The following ANKRD52 variants were observed in gnomAD, a reference collection of about 807,000 sequenced individuals.
ANKRD52 encodes ankyrin repeat domain 52.
A neutral mutation model predicts 116.0 loss-of-function variants in ANKRD52; 7 were observed. That is an observed-to-expected ratio of 0.06 (90% confidence interval 0.03 to 0.11). The LOEUF is 0.11. Among genes scored for constraint, ANKRD52 ranks in the 10% least tolerant of loss-of-function variants. The probability of loss-of-function intolerance (pLI) is 1.00; values close to 1 mark genes in which losing one functional copy is unlikely to be tolerated. For missense variants in ANKRD52, 839 were observed against 1,408.6 expected (o/e 0.60, Z 6.47); for synonymous variants, 528 against 578.1 (o/e 0.91, Z 1.24).
At position 56,240,855 on chromosome 12, in the gene ANKRD52, G is replaced by C. The variant is rs35526714; in HGVS notation, c.*2287C>G. 6,704 of 152,262 alleles carry C rather than the reference G, an allele frequency of 0.044. 220 individuals are homozygous for C. The highest frequency in any genetic ancestry group is 0.067 in the Non-Finnish European group (4,589 of 68,038). The allele number at this position is 152,262 out of a possible 1,614,324, so 9.4% of individuals were successfully genotyped here. On this transcript the variant is annotated 3_prime_UTR_variant, in exon 28 of 28. Transcript: ENST00000267116. This position sits in a 1 kb window ranked among gnomAD's most constrained non-coding sequence, Gnocchi z 4.2. ...AGAAATCTCATCTAGCAAGACAACG[G>C]GGCTCTGACACTCAGACGCTTCCCG... is the stretch of plus-strand genomic sequence containing the variant.
Position 56,252,776 on chromosome 12 carries a change from T to G in ANKRD52, c.1301+4A>C. 5 of 1,612,942 alleles carry G rather than the reference T, an allele frequency of 3.1e-6. No individual in the cohort carries two copies. Among genetic ancestry groups the G allele is most frequent in the Non-Finnish European group, 4.2e-6 (5 of 1,179,546 alleles). ...AAAGCATGGGAGAGAGAAAGAGAAC[T>G]CACCCTCCGGAAGCAGCAGCATGAA... is the stretch of plus-strand genomic sequence containing the variant. On this transcript the variant is annotated splice_donor_region_variant and intron_variant, in intron 12 of 27. Transcript: ENST00000267116. This position sits in a 1 kb window ranked among gnomAD's most constrained non-coding sequence, Gnocchi z 4.7.
intron 20 of ANKRD52, among the ~76,000 whole-genome samples, chr12:56,246,312 G>A (rs990328612): frequency 1.3e-5 from 2 of 152,178 alleles, no homozygotes; most frequent in Admixed American, 6.5e-5. Context: ...TTACAGACGT[G>A]AGCCACCATG....
Position 56,252,115 on chromosome 12 carries a change from A to G in ANKRD52, c.1512-20T>C. 6.2e-7 allele frequency: 1 copy of G among 1,613,892 alleles called. No individual in the cohort carries two copies. Among genetic ancestry groups the G allele is most frequent in the Non-Finnish European group, 8.5e-7 (1 of 1,179,830 alleles). ...TCCGCTCTGGGGAAGAGAGAGAGAAAGTTAGGGCCAGGCTCAGGGAGGTGA... is the reference window on the plus strand; with the variant it reads ...TCCGCTCTGGGGAAGAGAGAGAGAAGGTTAGGGCCAGGCTCAGGGAGGTGA... On this transcript the variant is annotated intron_variant, in intron 14 of 27. Transcript: ENST00000267116. This position sits in a 1 kb window ranked among gnomAD's most constrained non-coding sequence, Gnocchi z 4.7.
In ANKRD52 at chr12:56,237,992, A is replaced by T; in HGVS notation, c.*5150T>A. The stretch of plus-strand genomic sequence containing the variant: ...ATCTGCGGGGAGAACATTGTGCTTT[A>T]GCCCAGGGAGGGGAGGGGTGGGGCA... On this transcript the variant is annotated 3_prime_UTR_variant, in exon 28 of 28. Coordinates refer to ENST00000267116, the MANE Select transcript of ANKRD52 (RefSeq NM_173595.4). The T allele has an allele frequency of 5.8e-5, 15 of 258,668 alleles. No homozygotes were observed. Among genetic ancestry groups the T allele is most frequent in the Non-Finnish European group, 7.2e-5 (10 of 137,952 alleles). 16.0% of individuals were successfully genotyped at this position (258,668 alleles called of 1,614,324 possible). A position where few individuals can be genotyped will look rare whatever the true frequency, so the allele number is the denominator to read the frequency against.
Position 56,242,997 on chromosome 12 carries a change from G to T in ANKRD52, c.*145C>A. ...GGCCAAGATGGTGTGGCAAAGGGGT[G>T]AGCAGCTGCTCCCCAGGGCTTCCTT... is the stretch of plus-strand genomic sequence containing the variant. On this transcript the variant is annotated 3_prime_UTR_variant, in exon 28 of 28. Coordinates refer to ENST00000267116, the MANE Select transcript of ANKRD52 (RefSeq NM_173595.4). This position sits in a 1 kb window ranked among gnomAD's most constrained non-coding sequence, Gnocchi z 4.3. 2 of 1,195,806 alleles carry T rather than the reference G, an allele frequency of 1.7e-6. No individual in the cohort carries two copies. The highest frequency in any genetic ancestry group is 2.3e-6 in the Non-Finnish European group (2 of 882,384). The allele number at this position is 1,195,806 out of a possible 1,614,324, so 74.1% of individuals were successfully genotyped here.
chr12:56,253,729 G>A lies in ANKRD52; in HGVS notation c.978C>T (p.Ile326=). 1.2e-6 allele frequency: 2 copies of A among 1,613,872 alleles called. No individual in the cohort carries two copies. Among genetic ancestry groups the A allele is most frequent in the Non-Finnish European group, 1.7e-6 (2 of 1,179,800 alleles). The change falls in exon 9 of 28, where the codon ATC becomes ATT. Residue 326 remains isoleucine (I), a synonymous_variant. Coordinates refer to ENST00000267116, the MANE Select transcript of ANKRD52 (RefSeq NM_173595.4). The surrounding 1 kb of genome is among the most constrained non-coding windows in gnomAD (Gnocchi z 5.5). ...HGRFTRSQIL[I]QNGSEIDCAD... ...AGTCTCCCAGGTCCATACCATTCTG[G>A]ATGAGGATCTGGGAGCGTGTGAAAC...
At chr12:56,251,878 G>A in intron 15 of ANKRD52, 137 bp downstream of exon 15, 1 of 908,364 alleles carries the variant, frequency 1.1e-6, no homozygotes, top group Non-Finnish European at 1.7e-6. Flanking sequence ...CACCCAGAGG[G>A]CTCAAGACAC....
chr12:56,243,171 T>C lies in ANKRD52; in HGVS notation c.3202A>G (p.Ile1068Val), dbSNP rs772443206. The C allele has an allele frequency of 6.2e-7, 1 of 1,607,060 alleles. No homozygotes were observed. The highest frequency in any genetic ancestry group is 1.7e-5 in the Admixed American group (1 of 58,848). ...CPYSQERPGA[I>V]GLDGCYSE The stretch of plus-strand genomic sequence containing the variant: ...TCAGAGTAGCAGCCATCTAACCCAA[T>C]GGCGCCGGGCCGCTCCTGGCTGTAG... Residue 1068 changes from isoleucine (I) to valine (V), a missense_variant, in exon 28 of 28, where the codon ATT (isoleucine) becomes GTT (valine). By Grantham distance (29) the Ile-to-Val change is conservative. This residue lies in a region of ANKRD52 where 552 missense variants were observed against 810.6 expected (regional missense o/e 0.68). Transcript: ENST00000267116. This position sits in a 1 kb window ranked among gnomAD's most constrained non-coding sequence, Gnocchi z 4.6.
Position 56,245,504 on chromosome 12 carries a change from G to C in ANKRD52, c.2277C>G (p.His759Gln). 6.2e-7 allele frequency: 1 copy of C among 1,611,810 alleles called. No individual in the cohort carries two copies. The highest frequency in any genetic ancestry group is 8.5e-7 in the Non-Finnish European group (1 of 1,179,050). ...CAGTGTGGCCACAGGCTGAGGCCAG[G>C]TGAATGGGCGTGCGGCCCTTAAAGT... ...CRDFKGRTPI[H>Q]LASACGHTAV... The change falls in exon 21 of 28, where the codon CAC becomes CAG. Residue 759 changes from histidine to glutamine, a missense_variant. By Grantham distance (24) the His-to-Gln change is conservative. Around this residue, in one of 2 missense-constraint regions of ANKRD52, gnomAD observed 552 missense variants for 810.6 expected, o/e 0.68. Coordinates refer to ENST00000267116, the MANE Select transcript of ANKRD52 (RefSeq NM_173595.4).
In ANKRD52 at chr12:56,252,723, G is replaced by T; in HGVS notation, c.1301+57C>A. 1 of 1,579,052 alleles carries T rather than the reference G, an allele frequency of 6.3e-7. No homozygotes were observed. Among genetic ancestry groups the T allele is most frequent in the Non-Finnish European group, 8.7e-7 (1 of 1,151,018 alleles). The stretch of plus-strand genomic sequence containing the variant: ...AGATCTGGGCAGGCAAGAATGAGGG[G>T]CCCAGACCTTTGCCCAGCTCCCTGC... On this transcript the variant is annotated intron_variant, in intron 12 of 27. Transcript: ENST00000267116. The surrounding 1 kb of genome is among the most constrained non-coding windows in gnomAD (Gnocchi z 4.7).
In ANKRD52 at chr12:56,243,025, C is replaced by T; in HGVS notation, c.*117G>A. 2 of 1,373,502 alleles carry T rather than the reference C, an allele frequency of 1.5e-6. No homozygotes were observed. Among genetic ancestry groups the T allele is most frequent in the South Asian group, 3.0e-5 (2 of 65,894 alleles). The allele number at this position is 1,373,502 out of a possible 1,614,324, so 85.1% of individuals were successfully genotyped here. A position where few individuals can be genotyped will look rare whatever the true frequency, so the allele number is the denominator to read the frequency against. ...CAGCTGCTCCCCAGGGCTTCCTTCC[C>T]CTCCGCCCCCTCCACCCAGTCGTGT... On this transcript the variant is annotated 3_prime_UTR_variant, in exon 28 of 28. Coordinates refer to ENST00000267116, the MANE Select transcript of ANKRD52 (RefSeq NM_173595.4). This position sits in a 1 kb window ranked among gnomAD's most constrained non-coding sequence, Gnocchi z 4.6.
Position 56,255,934 on chromosome 12 carries a change from G to A in ANKRD52, c.312C>T (p.Asp104=), listed in dbSNP as rs1405303170. ...CATGCAGTGGTGTCTGCCACAGCTT[G>A]TCCCGGGCATTCACATCTGCTGAAT... ...LAHSADVNAR[D]KLWQTPLHVA... The change falls in exon 5 of 28, where the codon GAC becomes GAT. Residue 104 remains aspartate (D), a synonymous_variant. Transcript: ENST00000267116. This position sits in a 1 kb window ranked among gnomAD's most constrained non-coding sequence, Gnocchi z 4.3. 2.5e-6 allele frequency: 4 copies of A among 1,575,612 alleles called. No homozygotes were observed. The highest frequency in any genetic ancestry group is 3.6e-5 in the Admixed American group (2 of 55,020).
chr12:56,256,379 C>T (rs1871954237), intron 4 of ANKRD52, among the ~76,000 whole-genome samples: 1 of 152,202 alleles, frequency 6.6e-6, no homozygotes, highest in Admixed American at 6.5e-5. Context: ...CCTCTTTAGC[C>T]TTCTCATAGG....
Position 56,242,880 on chromosome 12 carries a change from T to G in ANKRD52, c.*262A>C. 1 of 454,990 alleles carries G rather than the reference T, an allele frequency of 2.2e-6. No homozygotes were observed. The highest frequency in any genetic ancestry group is 3.9e-6 in the Non-Finnish European group (1 of 256,296). The allele number at this position is 454,990 out of a possible 1,614,324, so 28.2% of individuals were successfully genotyped here. A position where few individuals can be genotyped will look rare whatever the true frequency, so the allele number is the denominator to read the frequency against. On this transcript the variant is annotated 3_prime_UTR_variant, in exon 28 of 28. Transcript: ENST00000267116. This position sits in a 1 kb window ranked among gnomAD's most constrained non-coding sequence, Gnocchi z 4.3. ...AGTCAAAGAGTGGGGGAGCCAGGCATTTAGCAATCATTTTGGGACACTTGG... is the reference window on the plus strand; with the variant it reads ...AGTCAAAGAGTGGGGGAGCCAGGCAGTTAGCAATCATTTTGGGACACTTGG...
In ANKRD52 at chr12:56,245,493, G is replaced by A; in HGVS notation, c.2288C>T (p.Ala763Val). 6.2e-7 allele frequency: 1 copy of A among 1,611,846 alleles called. No homozygotes were observed. Among genetic ancestry groups the A allele is most frequent in the Non-Finnish European group, 8.5e-7 (1 of 1,179,154 alleles). The change falls in exon 21 of 28, where the codon GCC (alanine) becomes GTC (valine). Residue 763 changes from alanine (A) to valine (V), a missense_variant. Physicochemically the swap from Ala to Val is moderately conservative, Grantham distance 64. Transcript: ENST00000267116. The part of the protein sequence containing the change: ...KGRTPIHLAS[A>V]CGHTAVLRTL... ...CCGCAGTACTGCAGTGTGGCCACAG[G>A]CTGAGGCCAGGTGAATGGGCGTGCG...
At position 56,243,222 on chromosome 12, in the gene ANKRD52, C is replaced by A. The variant is rs780766886; in HGVS notation, c.3151G>T (p.Ala1051Ser). The A allele has an allele frequency of 6.2e-7, 1 of 1,613,520 alleles. No individual in the cohort carries two copies. The highest frequency in any genetic ancestry group is 8.5e-7 in the Non-Finnish European group (1 of 1,179,732). ...GGGCAGGAGGCCCCATGGGGCAGGG[C>A]GCCGCAGCCACCCACCGTCTTGGCG... is the stretch of plus-strand genomic sequence containing the variant. ...AAAKTVGGCG[A>S]LPHGASCPYS... is the part of the protein sequence containing the mutation. Residue 1051 changes from alanine (A) to serine (S), a missense_variant, in exon 28 of 28, where the codon GCC becomes TCC. Around this residue, in one of 2 missense-constraint regions of ANKRD52, gnomAD observed 552 missense variants for 810.6 expected, o/e 0.68. Coordinates refer to ENST00000267116, the MANE Select transcript of ANKRD52 (RefSeq NM_173595.4). This position sits in a 1 kb window ranked among gnomAD's most constrained non-coding sequence, Gnocchi z 4.6.
chr12:56,243,735 G>A lies in ANKRD52; in HGVS notation c.2980+50C>T. The A allele has an allele frequency of 6.6e-7, 1 of 1,511,548 alleles. No homozygotes were observed. Among genetic ancestry groups the A allele is most frequent in the Non-Finnish European group, 9.0e-7 (1 of 1,112,584 alleles). The allele number at this position is 1,511,548 out of a possible 1,614,324, so 93.6% of individuals were successfully genotyped here. On this transcript the variant is annotated intron_variant, in intron 27 of 27. Coordinates refer to ENST00000267116, the MANE Select transcript of ANKRD52 (RefSeq NM_173595.4). The surrounding 1 kb of genome is among the most constrained non-coding windows in gnomAD (Gnocchi z 4.6). ...ATTAAGAAGTCACCTCCTGAAGAAT[G>A]TCCCTGACCCCAAACCCAAGAGAGG...
chr12:56,244,023 C>A lies in ANKRD52; in HGVS notation c.2888+28G>T. The A allele has an allele frequency of 6.2e-7, 1 of 1,612,754 alleles. No individual in the cohort carries two copies. Among genetic ancestry groups the A allele is most frequent in the South Asian group, 1.1e-5 (1 of 91,066 alleles). ...TTCATCACCCACTGGCCTCCCCCAGCCAGGAGCCCCCTTCCCCAGGCACTC... is the reference window on the plus strand; with the variant it reads ...TTCATCACCCACTGGCCTCCCCCAGACAGGAGCCCCCTTCCCCAGGCACTC... On this transcript the variant is annotated intron_variant, in intron 26 of 27. Coordinates refer to ENST00000267116, the MANE Select transcript of ANKRD52 (RefSeq NM_173595.4). This position sits in a 1 kb window ranked among gnomAD's most constrained non-coding sequence, Gnocchi z 4.9.
Position 56,242,904 on chromosome 12 carries a change from G to A in ANKRD52, c.*238C>T. The stretch of plus-strand genomic sequence containing the variant: ...ATTTAGCAATCATTTTGGGACACTT[G>A]GCAGAAGGGGTCGCCCTGGGGGTAC... On this transcript the variant is annotated 3_prime_UTR_variant, in exon 28 of 28. Coordinates refer to ENST00000267116, the MANE Select transcript of ANKRD52 (RefSeq NM_173595.4). This position sits in a 1 kb window ranked among gnomAD's most constrained non-coding sequence, Gnocchi z 4.3. 1.9e-6 allele frequency: 1 copy of A among 527,884 alleles called. No individual in the cohort carries two copies. The highest frequency in any genetic ancestry group is 3.3e-6 in the Non-Finnish European group (1 of 303,496). The allele number at this position is 527,884 out of a possible 1,614,324, so 32.7% of individuals were successfully genotyped here. A position where few individuals can be genotyped will look rare whatever the true frequency, so the allele number is the denominator to read the frequency against.
Sources: gnomAD v4.1 joint callset for allele counts (sites outside exome capture counted in the v4.1 genomes callset) on GRCh38, gnomAD v4.1.1 for gene constraint, gnomAD v4.1.1 regional missense constraint, Gnocchi (gnomAD v3.1) non-coding constraint, MANE v1.5 for transcripts, NCBI Gene and HGNC (gene_info 2026-07-23, HGNC 2026-07-21) for gene names.